The following IMMP2L variants were observed in gnomAD, a reference collection of about 807,000 sequenced individuals.
IMMP2L encodes mitochondrial inner membrane protease subunit 2.
In IMMP2L, 18 loss-of-function variants were observed where a neutral mutation model predicts 19.3. That is an observed-to-expected ratio of 0.93 (90% CI 0.64 to 1.38). The LOEUF (loss-of-function observed/expected upper bound fraction) is 1.38. Ranked by LOEUF, IMMP2L falls within the 40% of genes most tolerant of loss-of-function variation. The pLI, the probability that IMMP2L is intolerant of heterozygous loss-of-function variation, is 0.00. For missense variants in IMMP2L, 233 were observed against 218.2 expected, an observed-to-expected ratio of 1.07 and a Z score of -0.43; for synonymous variants, 76 against 73.0, an observed-to-expected ratio of 1.04 and a Z score of -0.21.
At chr7:111,463,191 G>T (rs1310973749) in intron 3 of IMMP2L, among the ~76,000 whole-genome samples, 1 of 152,040 alleles carries the variant, frequency 6.6e-6, no homozygotes, top group Non-Finnish European at 1.5e-5. Flanking sequence ...GTGTGTGTGT[G>T]TGTGTGTCCC....
chr7:111,200,487 G>C (rs2129615218), intron 3 of IMMP2L, among the ~76,000 whole-genome samples: 1 of 152,006 alleles, frequency 6.6e-6, no homozygotes, highest in Non-Finnish European at 1.5e-5. Flanking sequence ...TTTGTATTTT[G>C]TTTGTCTACT....
intron 3 of IMMP2L, among the ~76,000 whole-genome samples, chr7:111,045,174 AACT>A: frequency 6.6e-6 from 1 of 152,380 alleles, no homozygotes; most frequent in Middle Eastern, 3.4e-3. Context: ...GTAAAAGAAC[AACT>A]ATTTGGCTTG....
intron 4 of IMMP2L, among the ~76,000 whole-genome samples, chr7:110,904,611 G>A (rs538426975): frequency 2.0e-5 from 3 of 152,196 alleles, no homozygotes; most frequent in South Asian, 2.1e-4. Context: ...CTAGCTATAC[G>A]CTTGTTTTTA....
chr7:111,521,229 GGAAT>G, intron 2 of IMMP2L, 80 bp downstream of exon 2: 3 of 1,381,740 alleles, frequency 2.2e-6, no homozygotes, highest in South Asian at 2.8e-5. Flanking sequence ...TCCCAGAATA[GGAAT>G]AATAATTAGC....
intron 5 of IMMP2L, among the ~76,000 whole-genome samples, chr7:110,741,964 T>C (rs894881486): frequency 6.6e-6 from 1 of 152,142 alleles, no homozygotes; most frequent in African/African-American, 2.4e-5. Flanking sequence ...TAGAAAGTCT[T>C]AGGGGTGTGA....
intron 5 of IMMP2L, among the ~76,000 whole-genome samples, chr7:110,813,214 C>G (rs1338162355): frequency 6.6e-6 from 1 of 151,934 alleles, no homozygotes; most frequent in Non-Finnish European, 1.5e-5. Flanking sequence ...ATACTTTATT[C>G]AATAACTAAT....
intron 3 of IMMP2L, among the ~76,000 whole-genome samples, chr7:111,483,175 A>G (rs1192719692): frequency 6.6e-6 from 1 of 152,194 alleles, no homozygotes; most frequent in East Asian, 1.9e-4. Context: ...AACTCTCTAC[A>G]CTATTTTTGC....
At chr7:111,120,548 C>T (rs1247971945) in intron 3 of IMMP2L, among the ~76,000 whole-genome samples, 4 of 152,108 alleles carry the variant, frequency 2.6e-5, no homozygotes, top group Non-Finnish European at 5.9e-5. Flanking sequence ...GGGACACAGC[C>T]AAACCATATC....
At chr7:111,296,388 G>A (rs1237858654) in intron 3 of IMMP2L, among the ~76,000 whole-genome samples, 2 of 151,878 alleles carry the variant, frequency 1.3e-5, no homozygotes, top group African/African-American at 4.8e-5. Flanking sequence ...CATTTCGCCA[G>A]AGAGGATATA....
intron 5 of IMMP2L, among the ~76,000 whole-genome samples, chr7:110,805,945 G>C (rs1394792367): frequency 1.3e-5 from 2 of 152,038 alleles, no homozygotes; most frequent in African/African-American, 4.8e-5. Flanking sequence ...GCATTATCTA[G>C]TCTATTTTCA....
intron 5 of IMMP2L, among the ~76,000 whole-genome samples, chr7:110,695,431 A>G (rs1056045115): frequency 6.6e-6 from 1 of 151,898 alleles, no homozygotes; most frequent in African/African-American, 2.4e-5. Flanking sequence ...GGCTCAAGCA[A>G]TCCTCCCACC....
At chr7:110,725,420 G>T (rs1795825283) in intron 5 of IMMP2L, among the ~76,000 whole-genome samples, 1 of 152,048 alleles carries the variant, frequency 6.6e-6, no homozygotes, top group Non-Finnish European at 1.5e-5. Context: ...ATAGATGAAA[G>T]ATTTTATTAA....
intron 5 of IMMP2L, among the ~76,000 whole-genome samples, chr7:110,861,126 AGAGACAGAGACAG>A (rs1307421876): frequency 4.8e-5 from 7 of 146,378 alleles, no homozygotes; most frequent in African/African-American, 1.7e-4. Flanking sequence ...AGAGAGAGAG[AGAGACAGAGACAG>A]AGAGACAGAG....
chr7:111,118,047 C>T lies in IMMP2L; in HGVS notation c.240-154482G>A, dbSNP rs552708946. 1.8e-4 allele frequency among the ~76,000 whole-genome samples: 28 copies of T among 152,220 alleles called. No homozygotes were observed. The South Asian group carries it at 5.0e-3, about 27-fold the overall frequency. On this transcript the variant is annotated intron_variant, in intron 3 of 5. Coordinates refer to ENST00000405709, the MANE Select transcript of IMMP2L (RefSeq NM_032549.4). ...ATAAGTATCACAAAAGACCACAGAA[C>T]ATTCATGTTGCTCCTTTTGGAGGAA...
intron 5 of IMMP2L, among the ~76,000 whole-genome samples, chr7:110,692,924 TAAG>T (rs997694581): frequency 6.6e-6 from 1 of 152,156 alleles, no homozygotes; most frequent in African/African-American, 2.4e-5. Context: ...CAGCCCAGTT[TAAG>T]AAGAGGGCTA....
At chr7:111,304,658 T>G (rs1239902437) in intron 3 of IMMP2L, among the ~76,000 whole-genome samples, 1 of 144,618 alleles carries the variant, frequency 6.9e-6, no homozygotes, top group Non-Finnish European at 1.5e-5. Flanking sequence ...TGTTTATACA[T>G]ACACATATAT....
intron 3 of IMMP2L, among the ~76,000 whole-genome samples, chr7:111,072,161 C>G (rs150805045): frequency 6.6e-6 from 1 of 152,062 alleles, no homozygotes; most frequent in African/African-American, 2.4e-5. Flanking sequence ...TTCCTTACAA[C>G]GGAATGGAAT....
chr7:111,536,570 G>A (rs970725539), intron 1 of IMMP2L, among the ~76,000 whole-genome samples: 1 of 152,134 alleles, frequency 6.6e-6, no homozygotes, highest in African/African-American at 2.4e-5. Flanking sequence ...GCCTCCGGAA[G>A]TGCTGGGATT....
chr7:110,803,522 A>C lies in IMMP2L; in HGVS notation c.408+83071T>G, dbSNP rs888860946. ...TACACAGGGAGAAGGAGAAAGGAGAATGAGGCTGAGAGGGAAGTCAGTTGA... is the reference window on the plus strand; with the variant it reads ...TACACAGGGAGAAGGAGAAAGGAGACTGAGGCTGAGAGGGAAGTCAGTTGA... On this transcript the variant is annotated intron_variant, in intron 5 of 5. Transcript: ENST00000405709. The surrounding 1 kb of genome is among the most constrained non-coding windows in gnomAD (Gnocchi z 4.2). 2.0e-5 allele frequency among the ~76,000 whole-genome samples: 3 copies of C among 152,008 alleles called. No individual in the cohort carries two copies. The highest frequency in any genetic ancestry group is 4.4e-5 in the Non-Finnish European group (3 of 67,976).
Sources: gnomAD v4.1 joint callset for allele counts (sites outside exome capture counted in the v4.1 genomes callset) on GRCh38, gnomAD v4.1.1 for gene constraint, Gnocchi (gnomAD v3.1) non-coding constraint, MANE v1.5 for transcripts, NCBI Gene and HGNC (gene_info 2026-07-23, HGNC 2026-07-21) for gene names.